PHLDB2: variants seen among roughly 807,000 people sequenced by gnomAD.
PHLDB2 encodes pleckstrin homology like domain family B member 2.
PHLDB2 carries 71 observed loss-of-function variants against 123.6 expected under a neutral mutation model. That is an observed-to-expected ratio of 0.57 (90% CI 0.47 to 0.70). The LOEUF (loss-of-function observed/expected upper bound fraction) is 0.70, where lower values mean the gene tolerates loss of function less well. Among genes scored for constraint, PHLDB2 ranks in the 30% least tolerant of loss-of-function variants. The pLI, the probability that PHLDB2 is intolerant of heterozygous loss-of-function variation, is 0.00. For missense variants in PHLDB2, 1,446 were observed against 1,519.5 expected (o/e 0.95, Z 0.80); for synonymous variants, 547 against 541.6 (o/e 1.01, Z -0.14).
intron 2 of PHLDB2, chr3:111,846,286 C>T (rs977417210): frequency 4.8e-6 from 1 of 207,330 alleles, no homozygotes; most frequent in Non-Finnish European, 1.0e-5. Flanking sequence ...GAGAAAGACA[C>T]CAAGCCTTTA....
intron 2 of PHLDB2, among the ~76,000 whole-genome samples, chr3:111,890,259 T>C (rs941257888): frequency 6.6e-6 from 1 of 152,120 alleles, no homozygotes; most frequent in African/African-American, 2.4e-5. Context: ...CCAGTGAAAC[T>C]TGGCCAAGGA....
intron 2 of PHLDB2, among the ~76,000 whole-genome samples, chr3:111,850,758 T>C (rs1186351456): frequency 6.6e-6 from 1 of 152,164 alleles, no homozygotes; most frequent in Admixed American, 6.5e-5. Context: ...CAAGACATTG[T>C]CTTTAAAGTC....
intron 8 of PHLDB2, among the ~76,000 whole-genome samples, chr3:111,942,791 A>G (rs184809190): frequency 3.3e-5 from 5 of 150,176 alleles, no homozygotes; most frequent in Non-Finnish European, 5.9e-5. Context: ...AATCAGCAAT[A>G]TATATCTTAA....
At chr3:111,928,029 T>C (rs2068907643) in intron 5 of PHLDB2, among the ~76,000 whole-genome samples, 1 of 152,232 alleles carries the variant, frequency 6.6e-6, no homozygotes, top group South Asian at 2.1e-4. Context: ...CGTGTGCAAG[T>C]TCAAATTCTT....
chr3:111,920,371 C>T lies in PHLDB2; in HGVS notation c.1953C>T (p.Asn651=). 1.9e-6 allele frequency: 3 copies of T among 1,613,762 alleles called. No individual in the cohort carries two copies. The highest frequency in any genetic ancestry group is 2.5e-6 in the Non-Finnish European group (3 of 1,179,854). ...AGAAGGAGATTTTGGATCATCTAAACCGGAAAATAGCTGAACTGGAAAAGA... is the reference window on the plus strand; with the variant it reads ...AGAAGGAGATTTTGGATCATCTAAATCGGAAAATAGCTGAACTGGAAAAGA... ...MKEKEILDHL[N]RKIAELEKNI... The change falls in exon 5 of 18, where the codon AAC becomes AAT. Residue 651 remains asparagine, a synonymous_variant. Transcript: ENST00000431670.
intron 5 of PHLDB2, among the ~76,000 whole-genome samples, chr3:111,930,021 C>T (rs1273570785): frequency 1.3e-5 from 2 of 151,130 alleles, no homozygotes; most frequent in Non-Finnish European, 2.9e-5. Flanking sequence ...ACGCCATTCT[C>T]CTACCTCAGC....
At chr3:111,885,662 A>G in intron 2 of PHLDB2, 1 of 661,222 alleles carries the variant, frequency 1.5e-6, no homozygotes, top group Non-Finnish European at 2.7e-6. Context: ...TCTCACAAGT[A>G]TAAATTCTTT....
At chr3:111,971,550 A>G (rs1323371784) in intron 16 of PHLDB2, among the ~76,000 whole-genome samples, 1 of 152,200 alleles carries the variant, frequency 6.6e-6, no homozygotes, top group East Asian at 1.9e-4. Context: ...TGTATTTATG[A>G]TATAACTGGC....
intron 2 of PHLDB2, among the ~76,000 whole-genome samples, chr3:111,889,454 C>T (rs2066353324): frequency 6.6e-6 from 1 of 151,892 alleles, no homozygotes; most frequent in African/African-American, 2.4e-5. Context: ...GTAATCCCAG[C>T]ACTTTGGGAG....
At chr3:111,854,704 T>C (rs2064404163), upstream of PHLDB2, among the ~76,000 whole-genome samples, 1 of 152,186 alleles carries the variant, frequency 6.6e-6, no homozygotes. Context: ...TGAGCAGGTA[T>C]GTACAAACCT....
chr3:111,947,949 T>TAA (rs2070426608), intron 9 of PHLDB2, among the ~76,000 whole-genome samples: 1 of 152,192 alleles, frequency 6.6e-6, no homozygotes, highest in African/African-American at 2.4e-5. Context: ...AATTTCAGCT[T>TAA]TAAAAGAGAG....
In PHLDB2 at chr3:111,971,614, A is replaced by G. The variant is rs141506120; in HGVS notation, c.3535+1705A>G. ...TCGTTCGGTTCTGTTTACGGCCATC[A>G]CCTATCAGCTTTGTCCACTCCTACC... On this transcript the variant is annotated intron_variant, in intron 16 of 17. Transcript: ENST00000431670. 5.3e-5 allele frequency among the ~76,000 whole-genome samples: 8 copies of G among 152,210 alleles called. No homozygotes were observed. In the East Asian group the frequency reaches 1.5e-3, roughly 29 times the overall value.
chr3:111,871,087 G>A (rs1054886647), intron 1 of PHLDB2, among the ~76,000 whole-genome samples: 4 of 152,114 alleles, frequency 2.6e-5, no homozygotes, highest in Middle Eastern at 3.4e-3. Flanking sequence ...AATATGAAAC[G>A]ATTTACAGTT....
At chr3:111,739,950 AT>A (rs2059575815) in intron 1 of PHLDB2, among the ~76,000 whole-genome samples, 2 of 152,074 alleles carry the variant, frequency 1.3e-5, no homozygotes. Flanking sequence ...TATTTCAAGC[AT>A]TTTTAAAATT....
chr3:111,939,735 G>A, intron 7 of PHLDB2, 105 bp downstream of exon 7: 1 of 1,181,596 alleles, frequency 8.5e-7, no homozygotes, highest in Non-Finnish European at 1.2e-6. Flanking sequence ...AGATTACGTA[G>A]TCTGCCATGT....
At chr3:111,749,566 T>C (rs768277448) in intron 1 of PHLDB2, among the ~76,000 whole-genome samples, 1 of 152,244 alleles carries the variant, frequency 6.6e-6, no homozygotes, top group Non-Finnish European at 1.5e-5. Context: ...AAATTTAATT[T>C]GTCAACCTAC....
intron 1 of PHLDB2, among the ~76,000 whole-genome samples, chr3:111,778,639 C>T (rs1230948037): frequency 1.3e-5 from 2 of 152,040 alleles, no homozygotes; most frequent in Non-Finnish European, 2.9e-5. Flanking sequence ...ACTTGGAAGG[C>T]AACTCGTGCT....
At chr3:111,809,692 G>A (rs9876709) in intron 1 of PHLDB2, among the ~76,000 whole-genome samples, 53,650 of 152,054 alleles carry the variant, frequency 0.35, 9,781 homozygotes, top group South Asian at 0.46. Flanking sequence ...GATTTGTGGT[G>A]GTGCTAAGTT....
At chr3:111,830,955 G>GAGAGAGAGAGAGAGAAAGAAAGAA (rs1553736315) in intron 1 of PHLDB2, among the ~76,000 whole-genome samples, 1 of 63,678 alleles carries the variant, frequency 1.6e-5, no homozygotes, top group East Asian at 6.1e-4. Context: ...AAGAAAGAAA[G>GAGAGAGAGAGAGAGAAAGAAAGAA]AGAAAGAAAG....
Sources: gnomAD v4.1 joint callset for allele counts (sites outside exome capture counted in the v4.1 genomes callset) on GRCh38, gnomAD v4.1.1 for gene constraint, MANE v1.5 for transcripts, NCBI Gene and HGNC (gene_info 2026-07-23, HGNC 2026-07-21) for gene names.